COXFA4L2: variants seen among roughly 807,000 people sequenced by gnomAD.
COXFA4L2 encodes cytochrome c oxidase hypoxia associated subunit FA4L2.
the COXFA4L2 span, chr12:57,235,752 G>T: frequency 1.9e-6 from 3 of 1,597,116 alleles, no homozygotes; most frequent in Non-Finnish European, 2.6e-6. Flanking sequence ...GAGGTACCTT[G>T]TATTGGTCAT....
chr12:57,240,504 G>C, the COXFA4L2 span: 1 of 176,622 alleles, frequency 5.7e-6, no homozygotes, highest in Non-Finnish European at 1.1e-5. Flanking sequence ...AGCTGGCCGG[G>C]AGAGGAGAGA....
chr12:57,236,560 G>C, the COXFA4L2 span: 1 of 1,526,536 alleles, frequency 6.6e-7, no homozygotes, highest in African/African-American at 1.4e-5. Context: ...GCCTCACCCA[G>C]GCCCCCGTGA....
chr12:57,235,192 G>A, the COXFA4L2 span: 1 of 280,830 alleles, frequency 3.6e-6, no homozygotes, highest in East Asian at 7.0e-5. Context: ...ACGTCGCTTG[G>A]CACTCAGAGG....
At chr12:57,235,523 GC>G in the COXFA4L2 span, 1 of 1,604,122 alleles carries the variant, frequency 6.2e-7, no homozygotes, top group Non-Finnish European at 8.5e-7. Flanking sequence ...GGATGGGCTG[GC>G]TGGCTGTGGC....
chr12:57,238,953 C>G, the COXFA4L2 span, among the ~76,000 whole-genome samples: 3 of 152,248 alleles, frequency 2.0e-5, no homozygotes, highest in African/African-American at 4.8e-5. This position sits in a 1 kb window ranked among gnomAD's most constrained non-coding sequence, Gnocchi z 6.8. Context: ...TGGGGCCGAT[C>G]TGGAATACAG....
chr12:57,240,614 A>C, the COXFA4L2 span: 1 of 967,086 alleles, frequency 1.0e-6, no homozygotes, highest in Non-Finnish European at 1.2e-6. Flanking sequence ...TGTCATTCGG[A>C]TACACGCCGC....
the COXFA4L2 span, among the ~76,000 whole-genome samples, chr12:57,239,260 A>G: frequency 2.6e-5 from 4 of 152,130 alleles, no homozygotes; most frequent in Non-Finnish European, 5.9e-5. This position sits in a 1 kb window ranked among gnomAD's most constrained non-coding sequence, Gnocchi z 5.5. Context: ...CTCGGGGAAG[A>G]GGCCTTGGGC....
chr12:57,237,325 G>A, the COXFA4L2 span: 1 of 1,421,210 alleles, frequency 7.0e-7, no homozygotes, highest in Non-Finnish European at 9.2e-7. Flanking sequence ...CTCTCCTCCA[G>A]ATGTCTGCAC....
the COXFA4L2 span, chr12:57,235,926 T>C: frequency 1.2e-6 from 1 of 822,390 alleles, no homozygotes; most frequent in African/African-American, 1.7e-5. Context: ...TACCCCTGCC[T>C]CCTGCCCTGG....
the COXFA4L2 span, chr12:57,236,480 C>A: frequency 1.4e-5 from 12 of 868,416 alleles, no homozygotes; most frequent in Admixed American, 2.6e-4. Context: ...AGATGCCGGT[C>A]GGTACAGTCG....
chr12:57,236,576 C>G, the COXFA4L2 span: 5 of 1,562,168 alleles, frequency 3.2e-6, no homozygotes, highest in Non-Finnish European at 4.3e-6. Context: ...CGTGAGCATC[C>G]CAAGCCGTGC....
chr12:57,236,786 TGCTCCCTCC>T, the COXFA4L2 span: 1 of 989,154 alleles, frequency 1.0e-6, no homozygotes, highest in Non-Finnish European at 1.5e-6. Flanking sequence ...CCGGGTCTGG[TGCTCCCTCC>T]CTGGAATCTC....
the COXFA4L2 span, chr12:57,240,740 T>G: frequency 3.0e-6 from 3 of 984,604 alleles, no homozygotes; most frequent in Admixed American, 6.2e-5. Flanking sequence ...TTTTCACACA[T>G]ACACAGACCT....
At chr12:57,236,326 CT>C in the COXFA4L2 span, 1 of 478,330 alleles carries the variant, frequency 2.1e-6, no homozygotes, top group African/African-American at 2.0e-5. Context: ...AAGCCCACCG[CT>C]GGCTGAGCGG....
At chr12:57,235,457 C>T in the COXFA4L2 span, 14 of 1,229,794 alleles carry the variant, frequency 1.1e-5, no homozygotes, top group African/African-American at 3.0e-5. Flanking sequence ...TAAGCAGTAG[C>T]GGGACAGGGT....
the COXFA4L2 span, among the ~76,000 whole-genome samples, chr12:57,235,986 C>T: frequency 2.6e-5 from 4 of 152,194 alleles, no homozygotes; most frequent in Admixed American, 1.3e-4. Flanking sequence ...TTAGCAGGTG[C>T]TGACAAGTGA....
At chr12:57,240,082 A>C in the COXFA4L2 span, 1 of 152,208 alleles carries the variant, frequency 6.6e-6, no homozygotes, top group Non-Finnish European at 1.5e-5. Context: ...AAAGGAAGAC[A>C]CAGGGCCCAG....
the COXFA4L2 span, chr12:57,235,582 T>C: frequency 3.7e-6 from 6 of 1,613,908 alleles, no homozygotes; most frequent in Non-Finnish European, 5.1e-6. Flanking sequence ...TGGCCGGTCC[T>C]TCTTCAGCTT....
At chr12:57,235,519 G>A in the COXFA4L2 span, 1 of 1,599,198 alleles carries the variant, frequency 6.3e-7, no homozygotes, top group South Asian at 1.1e-5. Flanking sequence ...AAGTGGATGG[G>A]CTGGCTGGCT....
Sources: gnomAD v4.1 joint callset for allele counts (sites outside exome capture counted in the v4.1 genomes callset) on GRCh38, gnomAD v4.1.1 for gene constraint, Gnocchi (gnomAD v3.1) non-coding constraint, MANE v1.5 for transcripts, NCBI Gene and HGNC (gene_info 2026-07-23, HGNC 2026-07-21) for gene names.